Variants in COL23A1 observed in about 807,000 individuals in gnomAD.
COL23A1 encodes collagen alpha-1(XXIII) chain.
Under a neutral mutation model 99.3 loss-of-function variants are expected in COL23A1, and 97 were observed. The ratio of observed to expected loss-of-function variants is 0.98; its 90% CI spans 0.83 to 1.16. COL23A1 has a LOEUF of 1.16. Ranked by LOEUF, COL23A1 falls within the 50% of genes most tolerant of loss-of-function variation. The pLI, the probability that COL23A1 is intolerant of heterozygous loss-of-function variation, is 0.00. For synonymous variants in COL23A1, 320 were observed against 308.2 expected (o/e 1.04, Z -0.40); for missense variants, 762 against 757.4 (o/e 1.01, Z -0.07).
Position 178,478,644 on chromosome 5 carries a change from C to T in COL23A1, c.361+82038G>A, listed in dbSNP as rs549189657. Among the ~76,000 whole-genome samples the T allele has an allele frequency of 4.6e-5, 7 of 152,278 alleles. No individual in the cohort carries two copies. The South Asian group carries it at 1.2e-3, about 27-fold the overall frequency. On this transcript the variant is annotated intron_variant, in intron 2 of 28. Transcript: ENST00000390654. ...GCCAACCCCTCCCTTCCTGTGTCCA[C>T]AGAGAGAGTGTCTGGAGAAATCAAG...
At chr5:178,368,863 T>A (rs1762641042) in intron 2 of COL23A1, among the ~76,000 whole-genome samples, 1 of 152,258 alleles carries the variant, frequency 6.6e-6, no homozygotes, top group Admixed American at 6.5e-5. Flanking sequence ...TCCTGACTGA[T>A]TCCTGCTGGC....
intron 2 of COL23A1, among the ~76,000 whole-genome samples, chr5:178,324,460 C>T (rs1304616277): frequency 2.6e-5 from 4 of 152,128 alleles, no homozygotes; most frequent in South Asian, 2.1e-4. Context: ...CATCAACCGC[C>T]GGCGAGGATT....
intron 9 of COL23A1, 62 bp downstream of exon 9, chr5:178,263,146 T>C: frequency 8.3e-7 from 1 of 1,211,158 alleles, no homozygotes; most frequent in South Asian, 1.2e-5. Context: ...GGGCTGGCTC[T>C]GGAATCAGGA....
At position 178,307,973 on chromosome 5, in the gene COL23A1, G is replaced by A. The variant is rs1049695494; in HGVS notation, c.362-1054C>T. 3.3e-5 allele frequency among the ~76,000 whole-genome samples: 5 copies of A among 152,086 alleles called. No homozygotes were observed. The highest frequency in any genetic ancestry group is 7.4e-5 in the Non-Finnish European group (5 of 68,020). ...GAGATGCAGGAGACTGGCCCCGATCGCGTCTGTGGCAGGATGGAAAAATGA... is the reference window on the plus strand; with the variant it reads ...GAGATGCAGGAGACTGGCCCCGATCACGTCTGTGGCAGGATGGAAAAATGA... On this transcript the variant is annotated intron_variant, in intron 2 of 28. Transcript: ENST00000390654. The surrounding 1 kb of genome is among the most constrained non-coding windows in gnomAD (Gnocchi z 4.2).
At chr5:178,579,610 C>T (rs1763558548) in intron 1 of COL23A1, among the ~76,000 whole-genome samples, 2 of 152,256 alleles carry the variant, frequency 1.3e-5, no homozygotes, top group African/African-American at 2.4e-5. Flanking sequence ...CCCACTACCG[C>T]GCACGGCTGA....
chr5:178,504,554 C>T (rs1758757970), intron 2 of COL23A1, among the ~76,000 whole-genome samples: 1 of 152,114 alleles, frequency 6.6e-6, no homozygotes, highest in South Asian at 2.1e-4. Flanking sequence ...GCTGGGCTCT[C>T]AGTGGGTGAT....
rs192055072 is a variant in COL23A1, at chr5:178,527,801, G to A, written c.361+32881C>T. ...GCAGCCTGGATACTGGAAACCTGGCGGAAGCCTGATGGGCTTGGCCCCAGG... is the reference window on the plus strand; with the variant it reads ...GCAGCCTGGATACTGGAAACCTGGCAGAAGCCTGATGGGCTTGGCCCCAGG... On this transcript the variant is annotated intron_variant, in intron 2 of 28. Coordinates refer to ENST00000390654, the MANE Select transcript of COL23A1 (RefSeq NM_173465.4). Among the ~76,000 whole-genome samples the A allele has an allele frequency of 6.6e-5, 10 of 152,322 alleles. 1 individual carries two copies. The South Asian group carries it at 8.3e-4, about 13-fold the overall frequency.
rs940458070 is a variant in COL23A1 at position 178,428,481 on chromosome 5, G to A, written c.362-121562C>T. On this transcript the variant is annotated intron_variant, in intron 2 of 28. Transcript: ENST00000390654. The surrounding 1 kb of genome is among the most constrained non-coding windows in gnomAD (Gnocchi z 5.0). ...GAACTCCTTGTGACAAGGACTGAGT[G>A]AGTGTCCGGAGTGACTGCCAGCTGG... 1.3e-5 allele frequency among the ~76,000 whole-genome samples: 2 copies of A among 152,234 alleles called. No individual in the cohort carries two copies. The highest frequency in any genetic ancestry group is 2.4e-5 in the African/African-American group (1 of 41,466).
chr5:178,358,468 T>G (rs1319080434), intron 2 of COL23A1, among the ~76,000 whole-genome samples: 4 of 151,174 alleles, frequency 2.6e-5, no homozygotes, highest in Non-Finnish European at 4.4e-5. Context: ...CGTATGTGTA[T>G]GTGCGTATGC....
chr5:178,339,584 G>A (rs1014309019), intron 2 of COL23A1, among the ~76,000 whole-genome samples: 2 of 152,228 alleles, frequency 1.3e-5, no homozygotes, highest in African/African-American at 4.8e-5. Context: ...TGACCTCACA[G>A]CCAGCTAGCA....
chr5:178,513,664 G>A (rs972828124), intron 2 of COL23A1, among the ~76,000 whole-genome samples: 4 of 152,062 alleles, frequency 2.6e-5, no homozygotes, highest in African/African-American at 9.7e-5. Context: ...CCAGCTCCTA[G>A]AGACCACTGC....
intron 2 of COL23A1, chr5:178,344,940 AG>A: frequency 3.1e-6 from 2 of 645,542 alleles, no homozygotes; most frequent in Non-Finnish European, 5.7e-6. Flanking sequence ...TCCAGAAAAG[AG>A]AAAGTGCCAG....
chr5:178,459,043 G>C (rs1755968100), intron 2 of COL23A1, among the ~76,000 whole-genome samples: 1 of 152,156 alleles, frequency 6.6e-6, no homozygotes, highest in African/African-American at 2.4e-5. Flanking sequence ...TAAAGGGAAG[G>C]AGGCAAAACC....
At chr5:178,525,715 C>T (rs1341955642) in intron 2 of COL23A1, among the ~76,000 whole-genome samples, 2 of 143,036 alleles carry the variant, frequency 1.4e-5, no homozygotes, top group African/African-American at 2.5e-5. Flanking sequence ...AATGGCGACA[C>T]AGCGCGCAGA....
intron 2 of COL23A1, among the ~76,000 whole-genome samples, chr5:178,501,700 G>A (rs1228694356): frequency 6.6e-6 from 1 of 152,246 alleles, no homozygotes; most frequent in Non-Finnish European, 1.5e-5. Context: ...GCTGTGCTGA[G>A]GTACGCCAAC....
chr5:178,518,877 A>C (rs1298811326), intron 2 of COL23A1, among the ~76,000 whole-genome samples: 2 of 149,106 alleles, frequency 1.3e-5, no homozygotes, highest in African/African-American at 4.9e-5. Flanking sequence ...CGCGGCGGCA[A>C]AGACTGAGAC....
intron 2 of COL23A1, among the ~76,000 whole-genome samples, chr5:178,426,176 A>G (rs191667930): frequency 4.1e-4 from 62 of 152,350 alleles, no homozygotes; most frequent in Admixed American, 5.2e-4. Flanking sequence ...ACAAAGATCT[A>G]TAAGACCATT....
At chr5:178,358,792 CATG>C (rs1020657321) in intron 2 of COL23A1, among the ~76,000 whole-genome samples, 26 of 151,698 alleles carry the variant, frequency 1.7e-4, no homozygotes, top group Admixed American at 2.6e-4. Context: ...TGTGTGTAAA[CATG>C]ATATACCCAT....
chr5:178,244,110 G>A (rs1487440395), intron 25 of COL23A1, among the ~76,000 whole-genome samples: 1 of 151,704 alleles, frequency 6.6e-6, no homozygotes, highest in Non-Finnish European at 1.5e-5. Flanking sequence ...CTCCTGAGTA[G>A]CTGGGACTAC....
Sources: gnomAD v4.1 joint callset for allele counts (sites outside exome capture counted in the v4.1 genomes callset) on GRCh38, gnomAD v4.1.1 for gene constraint, Gnocchi (gnomAD v3.1) non-coding constraint, MANE v1.5 for transcripts, NCBI Gene and HGNC (gene_info 2026-07-23, HGNC 2026-07-21) for gene names.